The following AUTS2 variants were observed in gnomAD, a reference collection of about 807,000 sequenced individuals.
The protein encoded by AUTS2 is autism susceptibility gene 2 protein.
AUTS2 carries 17 observed loss-of-function variants against 112.4 expected under a neutral mutation model. That is an observed-to-expected ratio of 0.15 (90% CI 0.10 to 0.23). The LOEUF (loss-of-function observed/expected upper bound fraction) is 0.23, where lower values mean the gene tolerates loss of function less well. Ranked by LOEUF, AUTS2 falls within the 10% of genes least tolerant of loss-of-function variation. AUTS2 has a pLI of 1.00. For missense variants in AUTS2, 1,510 were observed against 1,701.6 expected (o/e 0.89, Z 1.98); for synonymous variants, 751 against 702.7 (o/e 1.07, Z -1.09).
intron 2 of AUTS2, among the ~76,000 whole-genome samples, chr7:69,980,334 T>C (rs1037829418): frequency 2.0e-5 from 3 of 152,184 alleles, no homozygotes; most frequent in Non-Finnish European, 2.9e-5. Flanking sequence ...CTCAAGACAG[T>C]ACAGAAAGAG....
chr7:70,534,096 G>A (rs534768610), intron 5 of AUTS2, among the ~76,000 whole-genome samples: 43 of 152,308 alleles, frequency 2.8e-4, no homozygotes, highest in African/African-American at 9.4e-4. Flanking sequence ...CTAAGAGGTC[G>A]CTCTGGTATT....
intron 1 of AUTS2, among the ~76,000 whole-genome samples, chr7:69,649,098 T>C (rs17140755): frequency 0.076 from 11,538 of 152,192 alleles, 591 homozygotes; most frequent in African/African-American, 0.14. Flanking sequence ...AGCGGAGCTG[T>C]GGATTAATGT....
chr7:70,700,783 C>T (rs1809412381), intron 6 of AUTS2, among the ~76,000 whole-genome samples: 1 of 152,144 alleles, frequency 6.6e-6, no homozygotes, highest in African/African-American at 2.4e-5. Context: ...TGTTTTTACT[C>T]CGGGTAGTGG....
intron 1 of AUTS2, among the ~76,000 whole-genome samples, chr7:69,867,913 G>C (rs1000949986): frequency 3.3e-5 from 5 of 151,708 alleles, no homozygotes; most frequent in Non-Finnish European, 5.9e-5. Flanking sequence ...TTATTTTTTA[G>C]TATAAGTATG....
At chr7:70,297,586 C>T (rs1789001993) in intron 4 of AUTS2, among the ~76,000 whole-genome samples, 2 of 151,854 alleles carry the variant, frequency 1.3e-5, no homozygotes, top group Admixed American at 6.6e-5. Context: ...CCTGCCACCA[C>T]ACCCGGGTAA....
chr7:69,633,573 A>G (rs998131607), intron 1 of AUTS2, among the ~76,000 whole-genome samples: 16 of 152,186 alleles, frequency 1.1e-4, no homozygotes, highest in African/African-American at 3.9e-4. Context: ...AACCGTATAC[A>G]AGAGTTCCTT....
chr7:69,716,094 GT>G (rs959497445), intron 1 of AUTS2, among the ~76,000 whole-genome samples: 1 of 151,708 alleles, frequency 6.6e-6, no homozygotes, highest in African/African-American at 2.4e-5. Context: ...GAGTTTCAGG[GT>G]TTTTTTTGGT....
chr7:69,876,344 AAAAAAAT>A (rs1240899357), intron 1 of AUTS2, among the ~76,000 whole-genome samples: 34 of 79,864 alleles, frequency 4.3e-4, no homozygotes, highest in Middle Eastern at 5.6e-3. Context: ...AAAAAAAAAA[AAAAAAAT>A]ATATATATAT....
At chr7:69,652,666 TGCAAA>T (rs1795347467) in intron 1 of AUTS2, among the ~76,000 whole-genome samples, 1 of 152,092 alleles carries the variant, frequency 6.6e-6, no homozygotes, top group African/African-American at 2.4e-5. Context: ...TTTATGGACC[TGCAAA>T]GTTTTACAAA....
chr7:69,951,603 C>T (rs571879014), intron 2 of AUTS2, among the ~76,000 whole-genome samples: 2 of 152,108 alleles, frequency 1.3e-5, no homozygotes, highest in South Asian at 2.1e-4. Context: ...GTTTGAGAAA[C>T]AGCCTGTGGG....
At chr7:69,779,471 A>G (rs1215463040) in intron 1 of AUTS2, among the ~76,000 whole-genome samples, 4 of 152,130 alleles carry the variant, frequency 2.6e-5, no homozygotes, top group Non-Finnish European at 5.9e-5. Flanking sequence ...CTTAAAAAAT[A>G]TATAGATAGA....
At chr7:69,747,801 G>C (rs917558264) in intron 1 of AUTS2, among the ~76,000 whole-genome samples, 1 of 151,456 alleles carries the variant, frequency 6.6e-6, no homozygotes, top group African/African-American at 2.4e-5. Flanking sequence ...GTGTGTGTGT[G>C]TGTGTGTGTG....
intron 1 of AUTS2, among the ~76,000 whole-genome samples, chr7:69,840,278 G>A (rs1355618789): frequency 6.6e-6 from 1 of 152,162 alleles, no homozygotes; most frequent in Non-Finnish European, 1.5e-5. Context: ...GTTAGTGTCT[G>A]TTGCTTTTGT....
chr7:70,758,208 T>C (rs1223097445), intron 6 of AUTS2, among the ~76,000 whole-genome samples: 1 of 152,190 alleles, frequency 6.6e-6, no homozygotes, highest in Non-Finnish European at 1.5e-5. Context: ...GGTGTTCCAT[T>C]GTGTGGATCT....
At chr7:70,381,296 T>A (rs1370086409) in intron 4 of AUTS2, among the ~76,000 whole-genome samples, 1 of 152,226 alleles carries the variant, frequency 6.6e-6, no homozygotes, top group Non-Finnish European at 1.5e-5. Flanking sequence ...CCAGCCAACA[T>A]GGACATGTCT....
intron 5 of AUTS2, among the ~76,000 whole-genome samples, chr7:70,488,002 G>A (rs973482746): frequency 1.3e-5 from 2 of 152,204 alleles, no homozygotes; most frequent in Non-Finnish European, 2.9e-5. Flanking sequence ...AGACCTGGTG[G>A]TCTGGGCAAA....
At position 70,467,581 on chromosome 7, in the gene AUTS2, CTT is replaced by C. The variant is rs1342100467; in HGVS notation, c.690+31802_690+31803del. 3.9e-5 allele frequency among the ~76,000 whole-genome samples: 6 copies of C among 152,286 alleles called. No homozygotes were observed. The East Asian group carries it at 5.8e-4, about 15-fold the overall frequency. ...TTGTGTCAAACAGTGTATTTATTGACTTTGATTTTTTGGGGGAAGTTTCTTGT... is the reference window on the plus strand; with the variant it reads ...TTGTGTCAAACAGTGTATTTATTGACTGATTTTTTGGGGGAAGTTTCTTGT... On this transcript the variant is annotated intron_variant, in intron 5 of 18. Transcript: ENST00000342771.
intron 5 of AUTS2, among the ~76,000 whole-genome samples, chr7:70,547,173 G>A (rs901901766): frequency 2.0e-5 from 3 of 152,076 alleles, no homozygotes; most frequent in African/African-American, 7.2e-5. Context: ...CCACTCCCAG[G>A]TCAAGGCAGC....
At chr7:70,238,282 A>G (rs1384942393) in intron 4 of AUTS2, among the ~76,000 whole-genome samples, 1 of 152,204 alleles carries the variant, frequency 6.6e-6, no homozygotes, top group African/African-American at 2.4e-5. Context: ...CACCCCCAAC[A>G]GTATTGTGTT....
Sources: allele counts gnomAD v4.1 joint callset (sites outside exome capture counted in the v4.1 genomes callset), GRCh38; gene constraint gnomAD v4.1.1; transcripts MANE v1.5; gene names NCBI Gene and HGNC (gene_info 2026-07-23, HGNC 2026-07-21).